MAGI1: variants seen among roughly 807,000 people sequenced by gnomAD.
MAGI1 encodes membrane-associated guanylate kinase, WW and PDZ domain-containing protein 1.
A neutral mutation model predicts 139.9 loss-of-function variants in MAGI1; 58 were observed. That is an observed-to-expected ratio of 0.41 (90% CI 0.34 to 0.52). The LOEUF (loss-of-function observed/expected upper bound fraction) is 0.52. MAGI1 is among the 20% of genes least tolerant of loss of function. The probability of loss-of-function intolerance (pLI) is 0.12; values close to 1 mark genes in which losing one functional copy is unlikely to be tolerated. For synonymous variants in MAGI1, 812 were observed against 737.9 expected (o/e 1.10, Z -1.63); for missense variants, 1,874 against 1,901.6 (o/e 0.99, Z 0.27).
At chr3:65,567,389 A>C (rs1254198878) in intron 2 of MAGI1, among the ~76,000 whole-genome samples, 1 of 152,204 alleles carries the variant, frequency 6.6e-6, no homozygotes, top group African/African-American at 2.4e-5. Flanking sequence ...AAAATTACAC[A>C]GGCAAGGCTG....
chr3:65,926,327 T>TTCTCTTTCTCTCTCTCTCTC (rs1553731213), intron 1 of MAGI1, among the ~76,000 whole-genome samples: 2 of 115,664 alleles, frequency 1.7e-5, no homozygotes, highest in African/African-American at 6.9e-5. Flanking sequence ...AAGTCTTCTT[T>TTCTCTTTCTCTCTCTCTCTC]TCTCTCTCTC....
intron 13 of MAGI1, among the ~76,000 whole-genome samples, chr3:65,399,211 T>A (rs146436920): frequency 5.3e-5 from 8 of 152,336 alleles, no homozygotes; most frequent in African/African-American, 1.9e-4. Context: ...GCATCCTGCA[T>A]AATTGACCTT....
chr3:65,522,844 C>T (rs1441526354), intron 2 of MAGI1, among the ~76,000 whole-genome samples: 2 of 152,158 alleles, frequency 1.3e-5, no homozygotes, highest in Non-Finnish European at 2.9e-5. Flanking sequence ...TATAATTCCA[C>T]TACCAAAAAA....
At chr3:65,868,212 G>C (rs949468504) in intron 1 of MAGI1, among the ~76,000 whole-genome samples, 2 of 152,122 alleles carry the variant, frequency 1.3e-5, no homozygotes, top group African/African-American at 4.8e-5. Context: ...TTTACCTTGA[G>C]GCAAAACCTC....
At chr3:65,789,675 C>CACT (rs1459197234) in intron 1 of MAGI1, among the ~76,000 whole-genome samples, 2 of 152,140 alleles carry the variant, frequency 1.3e-5, no homozygotes, top group Admixed American at 6.6e-5. Flanking sequence ...AACCGAAGCA[C>CACT]GTAAAGTGGC....
At chr3:65,801,286 A>G (rs2040495842) in intron 1 of MAGI1, among the ~76,000 whole-genome samples, 1 of 152,234 alleles carries the variant, frequency 6.6e-6, no homozygotes, top group Non-Finnish European at 1.5e-5. Flanking sequence ...CAATCATTTG[A>G]GTCTTTTGAG....
At chr3:65,720,801 G>C (rs949402967) in intron 1 of MAGI1, among the ~76,000 whole-genome samples, 3 of 151,990 alleles carry the variant, frequency 2.0e-5, no homozygotes, top group African/African-American at 7.3e-5. Context: ...CCAGGCTGGA[G>C]TGTAGTGGTA....
chr3:65,508,224 A>T (rs1359790876), intron 2 of MAGI1, among the ~76,000 whole-genome samples: 1 of 152,124 alleles, frequency 6.6e-6, no homozygotes, highest in Non-Finnish European at 1.5e-5. Flanking sequence ...TAACACGGTG[A>T]AACCCCGTCT....
At chr3:66,033,723 C>A (rs946254719) in intron 1 of MAGI1, among the ~76,000 whole-genome samples, 1 of 152,152 alleles carries the variant, frequency 6.6e-6, no homozygotes, top group African/African-American at 2.4e-5. Flanking sequence ...CTTTTATTAT[C>A]TCCACACTGC....
intron 1 of MAGI1, among the ~76,000 whole-genome samples, chr3:65,771,105 G>A (rs1302387151): frequency 3.3e-5 from 5 of 151,790 alleles, no homozygotes; most frequent in African/African-American, 7.3e-5. Flanking sequence ...CCAGGAGTTC[G>A]AGACCAGCCT....
At chr3:65,900,641 G>T (rs538097838) in intron 1 of MAGI1, among the ~76,000 whole-genome samples, 2 of 152,148 alleles carry the variant, frequency 1.3e-5, no homozygotes, top group Non-Finnish European at 1.5e-5. Context: ...AACACAAAAA[G>T]GCAACTGTGG....
chr3:65,572,924 T>C (rs1240466039), intron 2 of MAGI1, among the ~76,000 whole-genome samples: 3 of 151,710 alleles, frequency 2.0e-5, no homozygotes, highest in East Asian at 1.9e-4. Context: ...AAAGAACAGA[T>C]TGTTTCTCTC....
intron 1 of MAGI1, among the ~76,000 whole-genome samples, chr3:65,625,360 A>G (rs1458772587): frequency 6.6e-6 from 1 of 152,186 alleles, no homozygotes; most frequent in African/African-American, 2.4e-5. Context: ...GTCAATGTTC[A>G]GGTTGCGTAG....
intron 21 of MAGI1, among the ~76,000 whole-genome samples, chr3:65,362,861 A>G (rs1331251175): frequency 5.3e-5 from 8 of 152,234 alleles, no homozygotes; most frequent in Admixed American, 5.2e-4. Flanking sequence ...CAGCACATTC[A>G]TCTACAGTAA....
intron 1 of MAGI1, among the ~76,000 whole-genome samples, chr3:65,851,949 A>G (rs2059218605): frequency 6.6e-6 from 1 of 152,230 alleles, no homozygotes. Flanking sequence ...AGAGGCAAGA[A>G]CGGGGGAAGA....
chr3:65,510,699 G>T (rs367823509), intron 2 of MAGI1, among the ~76,000 whole-genome samples: 1 of 92,832 alleles, frequency 1.1e-5, no homozygotes, highest in African/African-American at 4.2e-5. Flanking sequence ...GAAAGTGATG[G>T]GGAGAATGGA....
At chr3:65,675,877 A>C (rs2107488591) in intron 1 of MAGI1, among the ~76,000 whole-genome samples, 1 of 152,360 alleles carries the variant, frequency 6.6e-6, no homozygotes, top group Middle Eastern at 3.4e-3. Context: ...AGCTGCTCTT[A>C]CTGAGAAATG....
intron 2 of MAGI1, among the ~76,000 whole-genome samples, chr3:65,546,241 TA>T (rs1252049159): frequency 6.6e-6 from 1 of 152,118 alleles, no homozygotes; most frequent in Non-Finnish European, 1.5e-5. Context: ...TAGGAACCAC[TA>T]AAAAAGCAGT....
intron 1 of MAGI1, among the ~76,000 whole-genome samples, chr3:65,751,088 G>A (rs1344140933): frequency 6.6e-6 from 1 of 152,210 alleles, no homozygotes; most frequent in African/African-American, 2.4e-5. Flanking sequence ...GTGTGCACAC[G>A]TGCCTGGCAC....
Sources: gnomAD v4.1 joint callset for allele counts (sites outside exome capture counted in the v4.1 genomes callset) on GRCh38, gnomAD v4.1.1 for gene constraint, MANE v1.5 for transcripts, NCBI Gene and HGNC (gene_info 2026-07-23, HGNC 2026-07-21) for gene names.